SEZ6L: variants seen among roughly 807,000 people sequenced by gnomAD.
The protein encoded by SEZ6L is seizure related 6 homolog like, also known as seizure 6-like protein.
In SEZ6L, 37 loss-of-function variants were observed where a neutral mutation model predicts 106.2. The ratio of observed to expected loss-of-function variants is 0.35; its 90% CI spans 0.27 to 0.46. The LOEUF (loss-of-function observed/expected upper bound fraction) is 0.46, where lower values mean the gene tolerates loss of function less well. Ranked by LOEUF, SEZ6L falls within the 20% of genes least tolerant of loss-of-function variation. The pLI, the probability that SEZ6L is intolerant of heterozygous loss-of-function variation, is 1.00. For synonymous variants in SEZ6L, 541 were observed against 570.4 expected (o/e 0.95, Z 0.73); for missense variants, 1,172 against 1,332.8 (o/e 0.88, Z 1.88).
chr22:26,335,773 A>C (rs898471925), intron 9 of SEZ6L, among the ~76,000 whole-genome samples: 4 of 152,198 alleles, frequency 2.6e-5, no homozygotes, highest in Admixed American at 6.5e-5. Context: ...AGAGGCAGGC[A>C]GGCATCCCCA....
intron 13 of SEZ6L, among the ~76,000 whole-genome samples, chr22:26,370,510 C>T (rs1253867934): frequency 2.0e-5 from 3 of 152,248 alleles, no homozygotes; most frequent in East Asian, 3.9e-4. Context: ...GCAAAGGTAT[C>T]TCATGGAACA....
At position 26,347,704 on chromosome 22, in the gene SEZ6L, G is replaced by A. The variant is rs745794370; in HGVS notation, c.2213-15G>A. 10 of 1,590,008 alleles carry A rather than the reference G, an allele frequency of 6.3e-6. No individual in the cohort carries two copies. Among genetic ancestry groups the A allele is most frequent in the East Asian group, 4.7e-5 (2 of 42,820 alleles). On this transcript the variant is annotated splice_polypyrimidine_tract_variant and intron_variant, in intron 10 of 16. Transcript: ENST00000248933. ...ACTGCTTCCCCCATCTAAGACTGACGTTTCTCTTTTAAAGAGGTATCAAGG... is the reference window on the plus strand; with the variant it reads ...ACTGCTTCCCCCATCTAAGACTGACATTTCTCTTTTAAAGAGGTATCAAGG...
intron 1 of SEZ6L, among the ~76,000 whole-genome samples, chr22:26,192,570 T>G (rs1253688582): frequency 1.3e-5 from 2 of 152,232 alleles, no homozygotes; most frequent in Non-Finnish European, 2.9e-5. Context: ...ACACTGAGGT[T>G]GATATAACGG....
chr22:26,305,900 C>G, intron 5 of SEZ6L, 79 bp from the exon 6 acceptor site: 1 of 1,393,986 alleles, frequency 7.2e-7, no homozygotes, highest in Non-Finnish European at 9.9e-7. Flanking sequence ...CTCTCTCTCT[C>G]TCTCTTTCTC....
At chr22:26,283,756 A>G (rs2080846804) in intron 1 of SEZ6L, among the ~76,000 whole-genome samples, 1 of 152,220 alleles carries the variant, frequency 6.6e-6, no homozygotes, top group South Asian at 2.1e-4. Flanking sequence ...AGAATGCTAA[A>G]TGCCACATTC....
At chr22:26,253,404 TC>T (rs1415061007) in intron 1 of SEZ6L, among the ~76,000 whole-genome samples, 4 of 151,784 alleles carry the variant, frequency 2.6e-5, no homozygotes, top group African/African-American at 9.7e-5. Flanking sequence ...TTTTTGACTG[TC>T]CCTAGACCCT....
intron 1 of SEZ6L, 57 bp downstream of exon 1, chr22:26,169,820 A>G: frequency 1.1e-6 from 1 of 912,740 alleles, no homozygotes; most frequent in Non-Finnish European, 1.4e-6. Context: ...AGAGCGGGGC[A>G]GCCAGGGGTC....
chr22:26,371,451 G>A (rs2084032785), intron 13 of SEZ6L, among the ~76,000 whole-genome samples: 1 of 151,968 alleles, frequency 6.6e-6, no homozygotes, highest in East Asian at 1.9e-4. Context: ...AAACTGAAAA[G>A]AAAATAAAAC....
chr22:26,300,491 T>C (rs2081421378), intron 5 of SEZ6L, among the ~76,000 whole-genome samples: 1 of 152,232 alleles, frequency 6.6e-6, no homozygotes. Context: ...AACTCATCAT[T>C]TTTTATGGCT....
chr22:26,261,055 C>A (rs2145817744), intron 1 of SEZ6L, among the ~76,000 whole-genome samples: 1 of 151,740 alleles, frequency 6.6e-6, no homozygotes, highest in East Asian at 1.9e-4. Flanking sequence ...CTATTCATGT[C>A]CTTAGCCCAC....
rs200496328 is a variant in SEZ6L at position 26,349,735 on chromosome 22, C to T, written c.2408-1317C>T. On this transcript the variant is annotated intron_variant, in intron 11 of 16. Coordinates refer to ENST00000248933, the MANE Select transcript of SEZ6L (RefSeq NM_021115.5). ...CCCAGGCTGGTCTCAAACTCCTGGCCTCAGCCTCCCAGAGAGCTGGGATTA... is the reference window on the plus strand; with the variant it reads ...CCCAGGCTGGTCTCAAACTCCTGGCTTCAGCCTCCCAGAGAGCTGGGATTA... Among the ~76,000 whole-genome samples, 39 of 152,268 alleles carry T rather than the reference C, an allele frequency of 2.6e-4. No homozygotes were observed. In the East Asian group the frequency reaches 7.0e-3, roughly 27 times the overall value.
chr22:26,317,166 G>A (rs946488246), intron 9 of SEZ6L, among the ~76,000 whole-genome samples: 4 of 152,150 alleles, frequency 2.6e-5, no homozygotes, highest in Non-Finnish European at 5.9e-5. Flanking sequence ...GGTCTTCTTA[G>A]CTGAAGCTTC....
intron 1 of SEZ6L, among the ~76,000 whole-genome samples, chr22:26,285,579 G>A (rs1055456319): frequency 5.3e-5 from 8 of 152,166 alleles, no homozygotes; most frequent in Non-Finnish European, 1.2e-4. Context: ...GTCACAACTG[G>A]GCAGGTGATG....
In SEZ6L at chr22:26,323,346, G is replaced by T. The variant is rs116667303; in HGVS notation, c.2015+9444G>T. 3.8e-3 allele frequency among the ~76,000 whole-genome samples: 579 copies of T among 152,268 alleles called. 6 individuals are homozygous for T. Among genetic ancestry groups the T allele is most frequent in the African/African-American group, 0.013 (555 of 41,544 alleles). On this transcript the variant is annotated intron_variant, in intron 9 of 16. Coordinates refer to ENST00000248933, the MANE Select transcript of SEZ6L (RefSeq NM_021115.5). ...TAAATATCTGTTGAATGAAAGAGAC[G>T]GTAAGGCTGGGCACAGTGGCTCATG... is the stretch of plus-strand genomic sequence containing the variant.
chr22:26,172,524 C>T (rs879734941), intron 1 of SEZ6L, among the ~76,000 whole-genome samples: 4 of 152,190 alleles, frequency 2.6e-5, no homozygotes, highest in Non-Finnish European at 5.9e-5. Flanking sequence ...TTTACTGGCC[C>T]TCCTATTCTG....
chr22:26,377,526 C>T (rs1003045834), intron 15 of SEZ6L, 147 bp from the exon 16 acceptor site: 11 of 653,716 alleles, frequency 1.7e-5, no homozygotes, highest in Non-Finnish European at 3.0e-5. Context: ...CTAGGATTCT[C>T]GCCTGCAAAA....
chr22:26,341,977 T>C (rs2082851195), intron 10 of SEZ6L, among the ~76,000 whole-genome samples: 1 of 152,144 alleles, frequency 6.6e-6, no homozygotes, highest in African/African-American at 2.4e-5. Flanking sequence ...AGCCCTGTCG[T>C]GTTCCAGCAG....
chr22:26,173,899 T>C (rs990618139), intron 1 of SEZ6L, among the ~76,000 whole-genome samples: 1 of 152,188 alleles, frequency 6.6e-6, no homozygotes, highest in Non-Finnish European at 1.5e-5. Flanking sequence ...CTTTATGATT[T>C]CATTTTAACC....
intron 11 of SEZ6L, 33 bp downstream of exon 11, chr22:26,347,946 C>T (rs2083065883): frequency 2.0e-6 from 3 of 1,508,064 alleles, no homozygotes; most frequent in South Asian, 2.7e-5. Context: ...CCTCTAGGTC[C>T]CTGGGTGGCA....
Sources: allele counts gnomAD v4.1 joint callset (sites outside exome capture counted in the v4.1 genomes callset), GRCh38; gene constraint gnomAD v4.1.1; transcripts MANE v1.5; gene names NCBI Gene and HGNC (gene_info 2026-07-23, HGNC 2026-07-21).